Variants in ADGRF5 observed in about 807,000 individuals in gnomAD.
ADGRF5 encodes G-protein coupled receptor 116.
A neutral mutation model predicts 132.3 loss-of-function variants in ADGRF5; 75 were observed. The ratio of observed to expected loss-of-function variants is 0.57; its 90% CI spans 0.47 to 0.69. The LOEUF (loss-of-function observed/expected upper bound fraction) is 0.69. Among genes scored for constraint, ADGRF5 ranks in the 30% least tolerant of loss-of-function variants. ADGRF5 has a pLI of 0.00. For synonymous variants in ADGRF5, 629 were observed against 597.6 expected, an observed-to-expected ratio of 1.05 and a Z score of -0.77; for missense variants, 1,516 against 1,630.6, an observed-to-expected ratio of 0.93 and a Z score of 1.21.
At chr6:46,897,175 CACAT>C (rs2150874647) in intron 3 of ADGRF5, among the ~76,000 whole-genome samples, 1 of 151,704 alleles carries the variant, frequency 6.6e-6, no homozygotes, top group Non-Finnish European at 1.5e-5. Flanking sequence ...CACACACACA[CACAT>C]ATAAATTCAA....
chr6:46,878,208 T>A lies in ADGRF5; in HGVS notation c.1234A>T (p.Ile412Phe). 6.2e-7 allele frequency: 1 copy of A among 1,605,792 alleles called. No individual in the cohort carries two copies. Among genetic ancestry groups the A allele is most frequent in the Non-Finnish European group, 8.5e-7 (1 of 1,172,474 alleles). The change falls in exon 10 of 21, where the codon ATT (isoleucine) becomes TTT (phenylalanine). Residue 412 changes from isoleucine to phenylalanine, a missense_variant. Around this residue, in one of 2 missense-constraint regions of ADGRF5, gnomAD observed 945 missense variants for 929.4 expected, o/e 1.02. Coordinates refer to ENST00000283296, the MANE Select transcript of ADGRF5 (RefSeq NM_001098518.2). ...GCTTATCTAACATTCTCACCTGGAATATTTATTTTTCCTTCCTGCTTCCAT... is the reference window on the plus strand; with the variant it reads ...GCTTATCTAACATTCTCACCTGGAAAATTTATTTTTCCTTCCTGCTTCCAT... ...VEWKQEGKINIPGTPETDIDS... is the reference protein window; with the variant it reads ...VEWKQEGKINFPGTPETDIDS...
At chr6:46,934,295 C>T (rs761291054) in intron 1 of ADGRF5, among the ~76,000 whole-genome samples, 11 of 152,210 alleles carry the variant, frequency 7.2e-5, no homozygotes, top group Admixed American at 2.6e-4. Flanking sequence ...ACACATAATT[C>T]TGGACCATGG....
chr6:46,938,971 A>G (rs1041760615), intron 1 of ADGRF5, among the ~76,000 whole-genome samples: 5 of 151,692 alleles, frequency 3.3e-5, no homozygotes, highest in African/African-American at 1.2e-4. Context: ...CCTGAGTTCA[A>G]GTGATGTTCC....
At chr6:46,931,017 G>A (rs1777532504) in intron 1 of ADGRF5, among the ~76,000 whole-genome samples, 1 of 152,160 alleles carries the variant, frequency 6.6e-6, no homozygotes, top group South Asian at 2.1e-4. Flanking sequence ...TCACACCACT[G>A]CACCCCAGGC....
At chr6:46,860,916 C>G in intron 15 of ADGRF5, 22 bp from the exon 16 acceptor site, 1 of 1,491,058 alleles carries the variant, frequency 6.7e-7, no homozygotes, top group South Asian at 1.3e-5. Flanking sequence ...AAAGCCAACA[C>G]AAAAAAAAAT....
chr6:46,940,337 G>A (rs1186868251), intron 1 of ADGRF5, among the ~76,000 whole-genome samples: 1 of 152,196 alleles, frequency 6.6e-6, no homozygotes, highest in East Asian at 1.9e-4. Flanking sequence ...CATTAAAGAA[G>A]ATAGTTGCTT....
Position 46,906,757 on chromosome 6 carries a change from T to C in ADGRF5, c.6A>G (p.Lys2=). 6.4e-7 allele frequency: 1 copy of C among 1,568,588 alleles called. No homozygotes were observed. The change falls in exon 2 of 21, where the codon AAA becomes AAG. Residue 2 remains lysine (K), a synonymous_variant. Transcript: ENST00000283296. M[K]SPRRTTLCLM... is the part of the protein sequence containing the mutation. ...GGCACAAAGTGGTTCTCCTTGGGGA[T>C]TTCATGTCTTCAAGTTTGAGTTGGT...
intron 14 of ADGRF5, among the ~76,000 whole-genome samples, chr6:46,863,623 C>T (rs1045428154): frequency 2.6e-5 from 4 of 152,164 alleles, no homozygotes; most frequent in African/African-American, 9.7e-5. Context: ...TTCTATTTCA[C>T]CTCTTCTCAT....
chr6:46,941,900 G>T (rs139874023), intron 1 of ADGRF5, among the ~76,000 whole-genome samples: 1 of 151,994 alleles, frequency 6.6e-6, no homozygotes, highest in Non-Finnish European at 1.5e-5. Flanking sequence ...TTTCTCTTCC[G>T]CTTTATTGAG....
intron 17 of ADGRF5, among the ~76,000 whole-genome samples, chr6:46,857,312 C>A (rs1373511420): frequency 6.6e-6 from 1 of 152,132 alleles, no homozygotes; most frequent in Non-Finnish European, 1.5e-5. Context: ...GAGACACAGG[C>A]CCAGTAGCAG....
At chr6:46,856,833 T>G (rs374680322) in intron 18 of ADGRF5, 34 bp downstream of exon 18, 10 of 1,607,680 alleles carry the variant, frequency 6.2e-6, no homozygotes, top group Non-Finnish European at 8.5e-6. Flanking sequence ...CACTTCAGAC[T>G]TTTCTAGAAA....
intron 1 of ADGRF5, among the ~76,000 whole-genome samples, chr6:46,928,369 G>C (rs1329013468): frequency 6.6e-6 from 1 of 152,116 alleles, no homozygotes; most frequent in East Asian, 1.9e-4. Context: ...CAGTAAATGT[G>C]AACCTAAAGT....
In ADGRF5 at chr6:46,883,574, G is replaced by A. The variant is rs779173197; in HGVS notation, c.597C>T (p.Thr199=). 27 of 1,601,194 alleles carry A rather than the reference G, an allele frequency of 1.7e-5. No homozygotes were observed. The highest frequency in any genetic ancestry group is 1.1e-4 in the East Asian group (5 of 44,766). Residue 199 remains threonine, a synonymous_variant, in exon 6 of 21, where the codon ACC becomes ACT. Coordinates refer to ENST00000283296, the MANE Select transcript of ADGRF5 (RefSeq NM_001098518.2). ...CAAAACCTACCGCTGTTTCCAAGTC[G>A]GTCTTGTAGGACCTATAGAGGGCGG... ...TSSALYRSYK[T]DLETAFRKGY... is the part of the protein sequence containing the mutation.
chr6:46,901,962 T>A (rs1224076570), intron 2 of ADGRF5, among the ~76,000 whole-genome samples: 1 of 152,178 alleles, frequency 6.6e-6, no homozygotes, highest in Non-Finnish European at 1.5e-5. Flanking sequence ...GGTTGAGGAA[T>A]GTATTAAAGT....
rs190932134 is a variant in ADGRF5, at chr6:46,869,979, G to C, written c.1412-887C>G. 4.6e-5 allele frequency among the ~76,000 whole-genome samples: 7 copies of C among 151,526 alleles called. No homozygotes were observed. The East Asian group carries it at 1.2e-3, about 25-fold the overall frequency. ...ACAAATATAAAATATAAATATAAAA[G>C]CTTATATGAGCTTCCCACTATTTTT... is the stretch of plus-strand genomic sequence containing the variant. On this transcript the variant is annotated intron_variant, in intron 11 of 20. Transcript: ENST00000283296.
At chr6:46,920,661 G>A (rs1408924335) in intron 1 of ADGRF5, among the ~76,000 whole-genome samples, 3 of 152,000 alleles carry the variant, frequency 2.0e-5, no homozygotes, top group Middle Eastern at 3.4e-3. Context: ...TCAGGAGTTC[G>A]AGACCAACCT....
chr6:46,864,111 G>T (rs114895968), intron 14 of ADGRF5, among the ~76,000 whole-genome samples: 236 of 152,302 alleles, frequency 1.5e-3, no homozygotes, highest in Admixed American at 2.6e-3. Flanking sequence ...GTTGCTTATG[G>T]TAGAAGCCCA....
intron 3 of ADGRF5, among the ~76,000 whole-genome samples, chr6:46,897,145 T>TACACAC (rs10655432): frequency 1.1e-3 from 160 of 141,860 alleles, no homozygotes; most frequent in East Asian, 5.6e-3. Context: ...TGCATATATA[T>TACACAC]ACACACACAC....
At chr6:46,897,003 C>G (rs1220479045) in intron 3 of ADGRF5, among the ~76,000 whole-genome samples, 2 of 151,974 alleles carry the variant, frequency 1.3e-5, no homozygotes, top group African/African-American at 4.8e-5. Flanking sequence ...TCAGGGACTT[C>G]AGCATATGCA....
Sources: gnomAD v4.1 joint callset for allele counts (sites outside exome capture counted in the v4.1 genomes callset) on GRCh38, gnomAD v4.1.1 for gene constraint, gnomAD v4.1.1 regional missense constraint, MANE v1.5 for transcripts, NCBI Gene and HGNC (gene_info 2026-07-23, HGNC 2026-07-21) for gene names.